The following SLC4A5 variants were observed in gnomAD, a reference collection of about 807,000 sequenced individuals.
SLC4A5 encodes electrogenic sodium bicarbonate cotransporter 4.
A neutral mutation model predicts 120.4 loss-of-function variants in SLC4A5; 96 were observed. That is an observed-to-expected ratio of 0.80 (90% CI 0.68 to 0.94). The LOEUF is 0.94. Ranked by LOEUF, SLC4A5 falls within the 40% of genes least tolerant of loss-of-function variation. The pLI, the probability that SLC4A5 is intolerant of heterozygous loss-of-function variation, is 0.00. For synonymous variants in SLC4A5, 550 were observed against 571.1 expected (o/e 0.96, Z 0.53); for missense variants, 1,259 against 1,459.5 (o/e 0.86, Z 2.24).
intron 10 of SLC4A5, among the ~76,000 whole-genome samples, 162 bp from the exon 11 acceptor site, chr2:74,262,394 G>A (rs547321601): frequency 1.4e-5 from 2 of 143,166 alleles, no homozygotes; most frequent in Admixed American, 1.4e-4. Context: ...ATTTAAGCAA[G>A]TCAATAGTCT....
At chr2:74,309,656 A>T (rs533659782) in intron 6 of SLC4A5, among the ~76,000 whole-genome samples, 2,875 of 141,692 alleles carry the variant, frequency 0.02, 34 homozygotes, top group Middle Eastern at 0.03. Flanking sequence ...TGAACATGAA[A>T]TTTTTTTTTT....
intron 6 of SLC4A5, among the ~76,000 whole-genome samples, chr2:74,306,331 T>C (rs1226731539): frequency 6.6e-6 from 1 of 151,818 alleles, no homozygotes; most frequent in Non-Finnish European, 1.5e-5. Context: ...ACTGCCTCTC[T>C]GACCAGAGAC....
chr2:74,293,844 A>AT (rs1330307661), intron 7 of SLC4A5, among the ~76,000 whole-genome samples: 1 of 152,062 alleles, frequency 6.6e-6, no homozygotes, highest in Non-Finnish European at 1.5e-5. Context: ...GAGTGTGGAG[A>AT]TTTTTTTCTG....
At chr2:74,243,606 G>T (rs539415700) in intron 19 of SLC4A5, among the ~76,000 whole-genome samples, 4 of 152,242 alleles carry the variant, frequency 2.6e-5, no homozygotes, top group African/African-American at 9.6e-5. Context: ...GCTGGCTCAG[G>T]GCTTCTCATT....
intron 3 of SLC4A5, among the ~76,000 whole-genome samples, chr2:74,335,389 T>C (rs1673457185): frequency 6.6e-6 from 1 of 152,110 alleles, no homozygotes; most frequent in Admixed American, 6.5e-5. Flanking sequence ...TTCAGACAGA[T>C]CCCCAAATGG....
intron 3 of SLC4A5, among the ~76,000 whole-genome samples, chr2:74,335,798 G>A (rs901077103): frequency 6.6e-6 from 1 of 152,144 alleles, no homozygotes; most frequent in Admixed American, 6.5e-5. Flanking sequence ...ATGAGGACAC[G>A]TGGCAAAACT....
chr2:74,231,899 A>G (rs1670101979), intron 24 of SLC4A5, among the ~76,000 whole-genome samples: 1 of 152,148 alleles, frequency 6.6e-6, no homozygotes, highest in Non-Finnish European at 1.5e-5. Flanking sequence ...TTCTTAGGGC[A>G]GCCACGTAGG....
chr2:74,288,661 G>A (rs1672061639), intron 7 of SLC4A5, among the ~76,000 whole-genome samples: 1 of 151,912 alleles, frequency 6.6e-6, no homozygotes, highest in African/African-American at 2.4e-5. Context: ...ACTCCTTCTG[G>A]GCTAGCTCAC....
chr2:74,269,537 C>G (rs543379869), intron 8 of SLC4A5, among the ~76,000 whole-genome samples: 28 of 152,198 alleles, frequency 1.8e-4, no homozygotes, highest in East Asian at 3.9e-4. Flanking sequence ...CCGGCCAGTC[C>G]AAATGTTTTA....
chr2:74,270,081 A>C (rs1671425640), intron 8 of SLC4A5, among the ~76,000 whole-genome samples: 2 of 152,234 alleles, frequency 1.3e-5, no homozygotes, highest in South Asian at 4.1e-4. Context: ...TTTTAAGCCA[A>C]TGCCAGAACT....
chr2:74,306,439 G>C (rs529743538), intron 6 of SLC4A5, among the ~76,000 whole-genome samples: 1 of 152,326 alleles, frequency 6.6e-6, no homozygotes. Flanking sequence ...CTGTAAGAGA[G>C]AGCGCTTCTG....
chr2:74,271,057 T>C (rs1257502390), intron 8 of SLC4A5, among the ~76,000 whole-genome samples: 1 of 152,190 alleles, frequency 6.6e-6, no homozygotes, highest in Non-Finnish European at 1.5e-5. Context: ...CTAATGTGCA[T>C]GGGGATCTTG....
chr2:74,341,219 C>T (rs549643835), intron 2 of SLC4A5, among the ~76,000 whole-genome samples: 128 of 150,186 alleles, frequency 8.5e-4, no homozygotes, highest in African/African-American at 3.0e-3. Context: ...GCAGGAGAAT[C>T]GCTTGAACTC....
At chr2:74,259,538 T>A in intron 12 of SLC4A5, 50 bp downstream of exon 12, 1 of 1,598,810 alleles carries the variant, frequency 6.3e-7, no homozygotes, top group Non-Finnish European at 8.6e-7. Flanking sequence ...AACCAAAGAC[T>A]TTTTCCTGCC....
intron 1 of SLC4A5, among the ~76,000 whole-genome samples, chr2:74,343,091 C>T (rs1416429761): frequency 6.6e-6 from 1 of 152,218 alleles, no homozygotes; most frequent in African/African-American, 2.4e-5. Context: ...AACAAAATCG[C>T]AACACTACTA....
At chr2:74,325,039 T>G (rs1023236546) in intron 5 of SLC4A5, among the ~76,000 whole-genome samples, 7 of 152,344 alleles carry the variant, frequency 4.6e-5, no homozygotes, top group African/African-American at 1.7e-4. Flanking sequence ...ACTGTCCTTC[T>G]CAGTTGTGTT....
chr2:74,324,848 A>G (rs987987844), intron 5 of SLC4A5, among the ~76,000 whole-genome samples: 4 of 152,132 alleles, frequency 2.6e-5, no homozygotes, highest in Non-Finnish European at 4.4e-5. Flanking sequence ...AACTGGGCCA[A>G]TCAGAATTCT....
rs777827906 is a variant in SLC4A5, at chr2:74,227,143, C to T, written c.2917-13G>A. 157 of 1,596,578 alleles carry T rather than the reference C, an allele frequency of 9.8e-5. No individual in the cohort carries two copies. The Admixed American group carries it at 2.4e-3, about 25-fold the overall frequency. The stretch of plus-strand genomic sequence containing the variant: ...AGCGTTCCCAGAACTAGGGGGACAG[C>T]GGGGGCTCAGCCAGGCAGCCAGACC... On this transcript the variant is annotated splice_polypyrimidine_tract_variant and intron_variant, in intron 26 of 30. Coordinates refer to ENST00000394019, the Ensembl canonical transcript of SLC4A5.
chr2:74,293,941 G>A (rs1374149143), intron 7 of SLC4A5, among the ~76,000 whole-genome samples: 1 of 152,202 alleles, frequency 6.6e-6, no homozygotes, highest in Non-Finnish European at 1.5e-5. Flanking sequence ...GCCTAGTCAT[G>A]TGAAAAGTAA....
Sources: allele counts gnomAD v4.1 joint callset (sites outside exome capture counted in the v4.1 genomes callset), GRCh38; gene constraint gnomAD v4.1.1; transcripts MANE v1.5; gene names NCBI Gene and HGNC (gene_info 2026-07-23, HGNC 2026-07-21).